Variants in AKAP19 observed in about 807,000 individuals in gnomAD.
AKAP19 encodes A-kinase anchoring protein 19, also known as small A-kinase anchoring protein.
the AKAP19 span, among the ~76,000 whole-genome samples, chr2:190,065,008 A>G: frequency 6.6e-6 from 1 of 152,134 alleles, no homozygotes; most frequent in Non-Finnish European, 1.5e-5. Context: ...GCGGCAAAAA[A>G]TTTGAGTCCT....
At chr2:190,109,546 T>C in the AKAP19 span, among the ~76,000 whole-genome samples, 1 of 152,038 alleles carries the variant, frequency 6.6e-6, no homozygotes, top group Non-Finnish European at 1.5e-5. Context: ...GCCTGCCTCT[T>C]GGGAGGGGGA....
the AKAP19 span, among the ~76,000 whole-genome samples, chr2:190,125,177 C>T: frequency 4.6e-5 from 7 of 152,194 alleles, no homozygotes; most frequent in Non-Finnish European, 8.8e-5. Context: ...AGTTTGTTTA[C>T]ACCAGCACCA....
the AKAP19 span, among the ~76,000 whole-genome samples, chr2:189,926,747 A>T: frequency 6.8e-6 from 1 of 146,138 alleles, no homozygotes; most frequent in South Asian, 2.2e-4. Context: ...TGCCCGGCTA[A>T]TTTTTTGTAT....
At chr2:190,131,005 G>A in the AKAP19 span, among the ~76,000 whole-genome samples, 1 of 152,216 alleles carries the variant, frequency 6.6e-6, no homozygotes, top group African/African-American at 2.4e-5. Flanking sequence ...TGAAGGCTGT[G>A]AAATTATAAG....
chr2:190,143,671 G>T, the AKAP19 span, among the ~76,000 whole-genome samples: 1 of 151,890 alleles, frequency 6.6e-6, no homozygotes, highest in Non-Finnish European at 1.5e-5. Context: ...CCATTACTGG[G>T]TATATACCCA....
chr2:190,021,917 G>A, the AKAP19 span, among the ~76,000 whole-genome samples: 10 of 152,136 alleles, frequency 6.6e-5, no homozygotes, highest in African/African-American at 2.4e-4. Flanking sequence ...CAAGAAGTCC[G>A]AGGCTGAGGG....
chr2:189,991,651 G>T, the AKAP19 span, among the ~76,000 whole-genome samples: 1 of 152,140 alleles, frequency 6.6e-6, no homozygotes, highest in Non-Finnish European at 1.5e-5. Flanking sequence ...GTGGTTGTCT[G>T]TTTACTCTGC....
the AKAP19 span, among the ~76,000 whole-genome samples, chr2:190,008,835 G>T: frequency 6.6e-6 from 1 of 151,722 alleles, no homozygotes; most frequent in Non-Finnish European, 1.5e-5. Flanking sequence ...ATGTGCTTTG[G>T]AAAAATGAGT....
chr2:190,110,877 AAGG>A, the AKAP19 span, among the ~76,000 whole-genome samples: 2 of 152,172 alleles, frequency 1.3e-5, no homozygotes, highest in African/African-American at 4.8e-5. Context: ...AGTCTACCAT[AAGG>A]AGGAGACGAA....
the AKAP19 span, among the ~76,000 whole-genome samples, chr2:190,127,836 G>A: frequency 4.6e-5 from 7 of 152,122 alleles, no homozygotes; most frequent in African/African-American, 1.7e-4. Context: ...GGTACACACA[G>A]TGCTGATGGT....
At chr2:189,883,507 GTTTTTTTTT>G in the AKAP19 span, among the ~76,000 whole-genome samples, 1 of 123,772 alleles carries the variant, frequency 8.1e-6, no homozygotes, top group East Asian at 2.4e-4. Flanking sequence ...GTTTCTTCCT[GTTTTTTTTT>G]TTTTTTTTTG....
At chr2:190,026,623 C>T in the AKAP19 span, among the ~76,000 whole-genome samples, 1 of 152,172 alleles carries the variant, frequency 6.6e-6, no homozygotes, top group Non-Finnish European at 1.5e-5. Context: ...CTTCTTTCTT[C>T]TTTCTAATCT....
chr2:189,908,587 T>G, the AKAP19 span, among the ~76,000 whole-genome samples: 1 of 152,218 alleles, frequency 6.6e-6, no homozygotes, highest in African/African-American at 2.4e-5. Context: ...AGATACTTTC[T>G]GATTTCCTTT....
At chr2:189,958,522 C>CATATATATAT in the AKAP19 span, among the ~76,000 whole-genome samples, 391 of 143,722 alleles carry the variant, frequency 2.7e-3, 2 homozygotes, top group African/African-American at 9.2e-3. Flanking sequence ...ACACACATAA[C>CATATATATAT]ATATATATAT....
At chr2:189,972,700 C>A in the AKAP19 span, among the ~76,000 whole-genome samples, 4 of 152,128 alleles carry the variant, frequency 2.6e-5, no homozygotes, top group Non-Finnish European at 5.9e-5. Flanking sequence ...TCCTTCACAT[C>A]CCTTGTAAGT....
At chr2:190,041,180 T>C in the AKAP19 span, among the ~76,000 whole-genome samples, 2 of 152,196 alleles carry the variant, frequency 1.3e-5, no homozygotes, top group Non-Finnish European at 2.9e-5. Flanking sequence ...AATTTGTTTG[T>C]GTCTTCTCTG....
chr2:190,139,978 A>G, the AKAP19 span, among the ~76,000 whole-genome samples: 1 of 152,180 alleles, frequency 6.6e-6, no homozygotes, highest in African/African-American at 2.4e-5. Flanking sequence ...TACTTCCTAG[A>G]TACTATGGGG....
At chr2:189,953,634 C>CAAAAAAA in the AKAP19 span, among the ~76,000 whole-genome samples, 12 of 72,776 alleles carry the variant, frequency 1.6e-4, no homozygotes, top group African/African-American at 5.7e-4. Context: ...AACTCCATCT[C>CAAAAAAA]AAAAAAAAAA....
chr2:190,161,070 A>C, the AKAP19 span, among the ~76,000 whole-genome samples: 1 of 152,126 alleles, frequency 6.6e-6, no homozygotes, highest in Non-Finnish European at 1.5e-5. Context: ...TTAGGGCCAA[A>C]ACCAGAGTTT....
Sources: gnomAD v4.1 joint callset for allele counts (sites outside exome capture counted in the v4.1 genomes callset) on GRCh38, gnomAD v4.1.1 for gene constraint, MANE v1.5 for transcripts, NCBI Gene and HGNC (gene_info 2026-07-23, HGNC 2026-07-21) for gene names.